The following ATG2B variants were observed in gnomAD, a reference collection of about 807,000 sequenced individuals.
The protein encoded by ATG2B is autophagy related 2B.
In ATG2B, 121 loss-of-function variants were observed where a neutral mutation model predicts 241.3. That is an observed-to-expected ratio of 0.50 (90% CI 0.43 to 0.58). The LOEUF is 0.58. ATG2B is among the 20% of genes least tolerant of loss of function. ATG2B has a pLI of 0.00. For synonymous variants in ATG2B, 858 were observed against 876.6 expected (o/e 0.98, Z 0.37); for missense variants, 2,306 against 2,491.6 (o/e 0.93, Z 1.59).
chr14:96,285,528 A>G lies in ATG2B; in HGVS notation c.*227T>C. On this transcript the variant is annotated 3_prime_UTR_variant, in exon 42 of 42. Transcript: ENST00000359933. This position sits in a 1 kb window ranked among gnomAD's most constrained non-coding sequence, Gnocchi z 4.2. ...CCACTAACTTGGCAGCAAATGCTTT[A>G]AGGACCTTTGACACCAGCCACCAAA... 1.8e-6 allele frequency: 1 copy of G among 551,714 alleles called. No homozygotes were observed. The highest frequency in any genetic ancestry group is 2.2e-5 in the South Asian group (1 of 44,866). 34.2% of individuals were successfully genotyped at this position (551,714 alleles called of 1,614,324 possible). A position where few individuals can be genotyped will look rare whatever the true frequency, so the allele number is the denominator to read the frequency against.
At chr14:96,307,000 G>C in intron 29 of ATG2B, 84 bp from the exon 30 acceptor site, 1 of 1,171,630 alleles carries the variant, frequency 8.5e-7, no homozygotes, top group Admixed American at 2.2e-5. Context: ...GATATATGTT[G>C]TGTGCTTTTA....
chr14:96,352,335 CCTATA>C (rs960005007), intron 1 of ATG2B, among the ~76,000 whole-genome samples: 1 of 151,958 alleles, frequency 6.6e-6, no homozygotes, highest in Non-Finnish European at 1.5e-5. Context: ...TGTTTTAATA[CCTATA>C]CTATACAATT....
chr14:96,334,646 A>G, intron 6 of ATG2B, 145 bp from the exon 7 acceptor site: 2 of 500,068 alleles, frequency 4.0e-6, no homozygotes, highest in East Asian at 3.4e-5. Flanking sequence ...ACTAATTCAC[A>G]CCATCTAAAT....
In ATG2B at chr14:96,313,139, G is replaced by T. The variant is rs1406667720; in HGVS notation, c.3768C>A (p.Ile1256=). 6.2e-7 allele frequency: 1 copy of T among 1,613,324 alleles called. No homozygotes were observed. Among genetic ancestry groups the T allele is most frequent in the African/African-American group, 1.3e-5 (1 of 75,006 alleles). ...ATGTTTCCACGGTAAGAAGAGATCGGATTGGCAAATAAAGGGGTCTAATGC... is the reference window on the plus strand; with the variant it reads ...ATGTTTCCACGGTAAGAAGAGATCGTATTGGCAAATAAAGGGGTCTAATGC... The part of the protein sequence containing the change: ...ALDYRPLYLP[I]RSLLTVETFS... The change falls in exon 25 of 42, where the codon ATC becomes ATA. Residue 1256 remains isoleucine, a synonymous_variant. Transcript: ENST00000359933.
At chr14:96,315,984 T>C (rs1887300347) in intron 21 of ATG2B, among the ~76,000 whole-genome samples, 1 of 152,238 alleles carries the variant, frequency 6.6e-6, no homozygotes, top group African/African-American at 2.4e-5. Context: ...ATGTGATCTA[T>C]CTTTACAGTG....
rs763967812 is a variant in ATG2B, at chr14:96,331,527, G to A, written c.1579C>T (p.Pro527Ser). 1.2e-6 allele frequency: 2 copies of A among 1,614,092 alleles called. No homozygotes were observed. Among genetic ancestry groups the A allele is most frequent in the Non-Finnish European group, 1.7e-6 (2 of 1,179,990 alleles). Residue 527 changes from proline to serine, a missense_variant, in exon 11 of 42, where the codon CCT (proline) becomes TCT (serine). By Grantham distance (74) the Pro-to-Ser change is moderately conservative. Transcript: ENST00000359933. ...GGATTAAGGTTCTGTGACGTTTCAG[G>A]TGGAGATAAAGGATCAATGTGAAGC... is the stretch of plus-strand genomic sequence containing the variant. ...SVLHIDPLSP[P>S]ETSQNLNPLT...
At chr14:96,312,242 T>G in intron 25 of ATG2B, 83 bp from the exon 26 acceptor site, 1 of 888,064 alleles carries the variant, frequency 1.1e-6, no homozygotes, top group Non-Finnish European at 1.8e-6. Flanking sequence ...CTTAATTGCA[T>G]CATTCTTTCT....
At chr14:96,302,159 T>C (rs1357307619) in intron 33 of ATG2B, 51 bp from the exon 34 acceptor site, 1 of 1,128,406 alleles carries the variant, frequency 8.9e-7, no homozygotes, top group Non-Finnish European at 1.3e-6. Context: ...ATGATGACCT[T>C]CTTCTCTTTA....
At chr14:96,304,685 A>G in intron 31 of ATG2B, 82 bp from the exon 32 acceptor site, 9 of 1,110,130 alleles carry the variant, frequency 8.1e-6, no homozygotes, top group African/African-American at 1.6e-5. Flanking sequence ...AAGGAAAATG[A>G]TAAGATGAAA....
intron 36 of ATG2B, among the ~76,000 whole-genome samples, chr14:96,293,470 C>T (rs1247749382): frequency 6.6e-6 from 1 of 152,090 alleles, no homozygotes; most frequent in Non-Finnish European, 1.5e-5. Context: ...TAGATCAAAA[C>T]CTGGCATACA....
intron 18 of ATG2B, among the ~76,000 whole-genome samples, chr14:96,321,597 T>C (rs960461099): frequency 2.0e-5 from 3 of 152,206 alleles, no homozygotes; most frequent in African/African-American, 7.2e-5. Flanking sequence ...GTCTATGACC[T>C]AGAATTCCAT....
Position 96,289,607 on chromosome 14 carries a change from G to C in ATG2B, c.6006+49C>G, listed in dbSNP as rs1351051196. ...TTAAATGCTCTTTAGGTGAAAGTTG[G>C]GAAAGCGCACAGAAGGGTTCTGATG... is the stretch of plus-strand genomic sequence containing the variant. On this transcript the variant is annotated intron_variant, in intron 41 of 41. Transcript: ENST00000359933. This position sits in a 1 kb window ranked among gnomAD's most constrained non-coding sequence, Gnocchi z 4.3. The C allele has an allele frequency of 6.3e-7, 1 of 1,591,742 alleles. No homozygotes were observed. The highest frequency in any genetic ancestry group is 8.6e-7 in the Non-Finnish European group (1 of 1,169,588).
chr14:96,322,390 C>G (rs1279122659), intron 17 of ATG2B, 136 bp from the exon 18 acceptor site: 2 of 1,298,894 alleles, frequency 1.5e-6, no homozygotes, highest in East Asian at 5.0e-5. Context: ...AAAATATACA[C>G]CAAGAAAAAA....
intron 31 of ATG2B, among the ~76,000 whole-genome samples, chr14:96,305,146 C>T (rs957005769): frequency 3.3e-5 from 5 of 152,234 alleles, no homozygotes; most frequent in South Asian, 4.2e-4. Flanking sequence ...TCCCAGCGAC[C>T]GGCACACTGC....
chr14:96,318,408 G>C (rs1374228953), intron 18 of ATG2B: 1 of 152,130 alleles, frequency 6.6e-6, no homozygotes, highest in Non-Finnish European at 1.5e-5. Context: ...GTGGAAAAAT[G>C]GGGATGAAAG....
At chr14:96,313,750 AT>A (rs1421292637) in intron 23 of ATG2B, among the ~76,000 whole-genome samples, 2 of 152,222 alleles carry the variant, frequency 1.3e-5, no homozygotes, top group African/African-American at 2.4e-5. Context: ...CAAAATTAGA[AT>A]TTGAAATGCA....
In ATG2B at chr14:96,321,707, T is replaced by C. The variant is rs571464576; in HGVS notation, c.2879+405A>G. Among the ~76,000 whole-genome samples, 4 of 152,336 alleles carry C rather than the reference T, an allele frequency of 2.6e-5. No individual in the cohort carries two copies. The South Asian group carries it at 6.2e-4, about 24-fold the overall frequency. On this transcript the variant is annotated intron_variant, in intron 18 of 41. Transcript: ENST00000359933. ...CACAGAATTTTGAATTCCAACAAGA[T>C]ATCTTTTTGAATGCTGAAGAAAAGA...
Position 96,289,988 on chromosome 14 carries a change from A to G in ATG2B, c.5857-183T>C. On this transcript the variant is annotated intron_variant, in intron 40 of 41. Coordinates refer to ENST00000359933, the MANE Select transcript of ATG2B (RefSeq NM_018036.7). This position sits in a 1 kb window ranked among gnomAD's most constrained non-coding sequence, Gnocchi z 4.3. ...GATGACTTTTATAACGAGAACATAAAAGTATAAATTAATAACTAACACCTG... is the reference window on the plus strand; with the variant it reads ...GATGACTTTTATAACGAGAACATAAGAGTATAAATTAATAACTAACACCTG... 1 of 874,356 alleles carries G rather than the reference A, an allele frequency of 1.1e-6. No individual in the cohort carries two copies. Among genetic ancestry groups the G allele is most frequent in the Non-Finnish European group, 1.7e-6 (1 of 601,944 alleles). The allele number at this position is 874,356 out of a possible 1,614,324, so 54.2% of individuals were successfully genotyped here. A position where few individuals can be genotyped will look rare whatever the true frequency, so the allele number is the denominator to read the frequency against.
Position 96,289,349 on chromosome 14 carries a change from T to G in ATG2B, c.6006+307A>C. 1 of 234,752 alleles carries G rather than the reference T, an allele frequency of 4.3e-6. No individual in the cohort carries two copies. The highest frequency in any genetic ancestry group is 1.0e-4 in the East Asian group (1 of 9,878). 14.5% of individuals were successfully genotyped at this position (234,752 alleles called of 1,614,324 possible). A position where few individuals can be genotyped will look rare whatever the true frequency, so the allele number is the denominator to read the frequency against. ...CAAATCTGAGGTAAGCAGGGCAGAG[T>G]ATAAATGTGTTAAACCTAGACAGCG... On this transcript the variant is annotated intron_variant, in intron 41 of 41. Transcript: ENST00000359933. The surrounding 1 kb of genome is among the most constrained non-coding windows in gnomAD (Gnocchi z 4.3).
Sources: gnomAD v4.1 joint callset for allele counts (sites outside exome capture counted in the v4.1 genomes callset) on GRCh38, gnomAD v4.1.1 for gene constraint, Gnocchi (gnomAD v3.1) non-coding constraint, MANE v1.5 for transcripts, NCBI Gene and HGNC (gene_info 2026-07-23, HGNC 2026-07-21) for gene names.